SGCD: variants seen among roughly 807,000 people sequenced by gnomAD.
SGCD encodes sarcoglycan delta.
SGCD carries 18 observed loss-of-function variants against 36.6 expected under a neutral mutation model. The observed-to-expected ratio is 0.49, with a 90% CI of 0.34 to 0.73. The LOEUF is 0.73. SGCD is among the 30% of genes least tolerant of loss of function. SGCD has a pLI of 0.01. For missense variants in SGCD, 387 were observed against 346.7 expected (o/e 1.12, Z -0.92); for synonymous variants, 133 against 130.6 (o/e 1.02, Z -0.12).
chr5:156,307,041 C>CTTTTTT (rs71577193), intron 3 of SGCD, among the ~76,000 whole-genome samples: 50 of 124,508 alleles, frequency 4.0e-4, no homozygotes, highest in Admixed American at 9.3e-4. Context: ...TATAAGTTTT[C>CTTTTTT]TTTTTTTTTT....
At chr5:156,019,020 C>T (rs191902417) in intron 1 of SGCD, among the ~76,000 whole-genome samples, 30 of 152,212 alleles carry the variant, frequency 2.0e-4, no homozygotes, top group African/African-American at 3.9e-4. Flanking sequence ...CATAGAGAGA[C>T]GTTAAATTTG....
intron 3 of SGCD, among the ~76,000 whole-genome samples, chr5:156,360,416 T>A (rs1769725701): frequency 6.6e-6 from 1 of 151,976 alleles, no homozygotes; most frequent in Non-Finnish European, 1.5e-5. Context: ...CCTGGCTAAT[T>A]TTTGTATTTT....
At chr5:156,467,225 G>A (rs935665561) in intron 3 of SGCD, among the ~76,000 whole-genome samples, 7 of 152,116 alleles carry the variant, frequency 4.6e-5, no homozygotes, top group South Asian at 2.1e-4. Flanking sequence ...TAAGAATTTC[G>A]TTTTTGGTAG....
chr5:156,054,035 C>T (rs1759991867), intron 1 of SGCD, among the ~76,000 whole-genome samples: 1 of 145,104 alleles, frequency 6.9e-6, no homozygotes, highest in Non-Finnish European at 1.5e-5. Flanking sequence ...AACCAGGTTC[C>T]GATATATGAA....
intron 2 of SGCD, among the ~76,000 whole-genome samples, chr5:156,338,369 C>T (rs1205797760): frequency 6.6e-6 from 1 of 152,198 alleles, no homozygotes; most frequent in Non-Finnish European, 1.5e-5. Flanking sequence ...TGCTTAGCCT[C>T]ACAAAGCGGA....
intron 3 of SGCD, among the ~76,000 whole-genome samples, chr5:156,449,798 G>A (rs1445153137): frequency 2.8e-5 from 4 of 142,390 alleles, no homozygotes; most frequent in Non-Finnish European, 6.0e-5. Flanking sequence ...GTTGCAGTGA[G>A]CCAAGAATGC....
chr5:156,084,149 A>C (rs188973342), intron 1 of SGCD, among the ~76,000 whole-genome samples: 104 of 152,322 alleles, frequency 6.8e-4, no homozygotes, highest in Non-Finnish European at 1.4e-3. Context: ...TTGGAATTTG[A>C]CAGGCATTGC....
intron 1 of SGCD, among the ~76,000 whole-genome samples, chr5:155,934,652 G>A (rs1025820986): frequency 1.3e-5 from 2 of 152,136 alleles, no homozygotes; most frequent in Non-Finnish European, 2.9e-5. Flanking sequence ...GTGGAAATTT[G>A]TCATTCTTTT....
chr5:156,137,113 C>T (rs256773), intron 3 of SGCD, among the ~76,000 whole-genome samples: 10,099 of 152,202 alleles, frequency 0.066, 433 homozygotes, highest in South Asian at 0.11. Context: ...CAGGACAAAA[C>T]GAGAGGGTTC....
intron 3 of SGCD, among the ~76,000 whole-genome samples, chr5:156,413,296 T>C (rs1469603570): frequency 2.0e-5 from 3 of 152,168 alleles, no homozygotes; most frequent in African/African-American, 7.2e-5. Context: ...GTGACACTTA[T>C]GCTGAGATGC....
intron 3 of SGCD, among the ~76,000 whole-genome samples, chr5:156,451,119 A>G (rs1753990569): frequency 8.1e-6 from 1 of 124,002 alleles, no homozygotes; most frequent in South Asian, 2.4e-4. Context: ...TCACCATACT[A>G]TTTTCCAGCA....
chr5:156,104,824 G>T (rs183433670), intron 1 of SGCD, among the ~76,000 whole-genome samples: 52 of 152,182 alleles, frequency 3.4e-4, no homozygotes, highest in South Asian at 1.9e-3. Flanking sequence ...CTTAAACCTT[G>T]GTTCCTTCAT....
chr5:156,337,583 T>C (rs1039997139), intron 2 of SGCD, among the ~76,000 whole-genome samples: 2 of 152,176 alleles, frequency 1.3e-5, no homozygotes, highest in African/African-American at 2.4e-5. Context: ...ATCATCTTAA[T>C]TGTCTCCTTA....
At chr5:156,115,551 A>G (rs765635748) in intron 1 of SGCD, among the ~76,000 whole-genome samples, 20 of 152,090 alleles carry the variant, frequency 1.3e-4, no homozygotes, top group Non-Finnish European at 2.5e-4. Context: ...TATAAGAATG[A>G]TATTATATCA....
intron 3 of SGCD, among the ~76,000 whole-genome samples, chr5:156,153,567 G>T (rs953268909): frequency 6.6e-6 from 1 of 151,634 alleles, no homozygotes; most frequent in Non-Finnish European, 1.5e-5. Flanking sequence ...GAGCAGCCTA[G>T]TGGACTACCT....
At chr5:155,906,648 G>A (rs975346396) in intron 1 of SGCD, among the ~76,000 whole-genome samples, 4 of 152,256 alleles carry the variant, frequency 2.6e-5, no homozygotes, top group African/African-American at 7.2e-5. Context: ...CCCAAGCAAG[G>A]CCCTAACTCT....
chr5:156,326,489 G>A (rs1312196898), upstream of SGCD, among the ~76,000 whole-genome samples: 2 of 152,150 alleles, frequency 1.3e-5, no homozygotes, highest in African/African-American at 4.8e-5. Flanking sequence ...AGTTGCTGCA[G>A]CAAAAAATGT....
At chr5:155,796,801 C>A in the SGCD span, among the ~76,000 whole-genome samples, 2 of 47,292 alleles carry the variant, frequency 4.2e-5, no homozygotes, top group Non-Finnish European at 3.5e-5. Context: ...AGTGAAACTC[C>A]ATCTCAAAAA....
At chr5:156,144,705 G>T (rs1039546693) in intron 3 of SGCD, among the ~76,000 whole-genome samples, 1 of 152,134 alleles carries the variant, frequency 6.6e-6, no homozygotes, top group African/African-American at 2.4e-5. Flanking sequence ...CACTCTGATG[G>T]TAGTTTCTTT....
Sources: allele counts gnomAD v4.1 joint callset (sites outside exome capture counted in the v4.1 genomes callset), GRCh38; gene constraint gnomAD v4.1.1; transcripts MANE v1.5; gene names NCBI Gene and HGNC (gene_info 2026-07-23, HGNC 2026-07-21).